Variants in PRKD3 observed in about 807,000 individuals in gnomAD.
PRKD3 encodes the protein protein kinase D3, also known as serine/threonine-protein kinase D3.
A neutral mutation model predicts 99.2 loss-of-function variants in PRKD3; 47 were observed. The observed-to-expected ratio is 0.47, with a 90% CI of 0.38 to 0.60. The LOEUF (loss-of-function observed/expected upper bound fraction) is 0.60. Among genes scored for constraint, PRKD3 ranks in the 20% least tolerant of loss-of-function variants. The pLI, the probability that PRKD3 is intolerant of heterozygous loss-of-function variation, is 0.00. For missense variants in PRKD3, 1,019 were observed against 1,088.4 expected (o/e 0.94, Z 0.90); for synonymous variants, 392 against 355.4 (o/e 1.10, Z -1.16).
chr2:37,262,525 CAT>C (rs1301333475), intron 14 of PRKD3, among the ~76,000 whole-genome samples: 2 of 152,112 alleles, frequency 1.3e-5, no homozygotes, highest in Non-Finnish European at 2.9e-5. Context: ...AAAATGACAA[CAT>C]TTTATAGTAG....
intron 11 of PRKD3, among the ~76,000 whole-genome samples, chr2:37,273,619 G>A (rs997428928): frequency 5.9e-5 from 9 of 152,120 alleles, no homozygotes; most frequent in African/African-American, 2.2e-4. Context: ...GAGCTTTTAT[G>A]ATTTCTGTAT....
At chr2:37,282,719 G>A in intron 6 of PRKD3, 100 bp from the exon 7 acceptor site, 2 of 810,312 alleles carry the variant, frequency 2.5e-6, no homozygotes, top group South Asian at 1.5e-5. Context: ...AATATTATTA[G>A]TAATGATGAT....
At position 37,267,488 on chromosome 2, in the gene PRKD3, T is replaced by A. The variant is rs1176717878; in HGVS notation, c.1826A>T (p.Lys609Met). 6.2e-7 allele frequency: 1 copy of A among 1,611,762 alleles called. No homozygotes were observed. The highest frequency in any genetic ancestry group is 1.7e-5 in the Admixed American group (1 of 59,984). Residue 609 changes from lysine (K) to methionine (M), a missense_variant, in exon 14 of 19, where the codon AAG becomes ATG. Coordinates refer to ENST00000234179, the MANE Select transcript of PRKD3 (RefSeq NM_005813.6). ...TTCTTGTTTTGTGGGGAATCTCATC[T>A]TATCAATTACTTTAATAGCCACATC... Reference protein sequence around the residue: ...GRDVAIKVIDKMRFPTKQESQ... With the variant: ...GRDVAIKVIDMMRFPTKQESQ...
At chr2:37,322,696 T>A (rs1671937169) in intron 1 of PRKD3, among the ~76,000 whole-genome samples, 1 of 152,168 alleles carries the variant, frequency 6.6e-6, no homozygotes, top group Non-Finnish European at 1.5e-5. Context: ...TTTTCCTACA[T>A]TAAAATGAAA....
chr2:37,304,807 T>A (rs1033053206), intron 2 of PRKD3, among the ~76,000 whole-genome samples: 2 of 151,946 alleles, frequency 1.3e-5, no homozygotes, highest in African/African-American at 4.8e-5. Context: ...ATTTAACACC[T>A]GCCTTTCTGA....
chr2:37,316,390 G>A lies in PRKD3; in HGVS notation c.135C>T (p.Phe45=). ...GLSARLSNGS[F]SAPSLTNSRG... is the part of the protein sequence containing the mutation. Reference sequence around the variant, plus strand: ...TGGAGTTGGTGAGTGATGGTGCACTGAAGCTTCCATTAGAGAGTCGGGCAG... The same window carrying A: ...TGGAGTTGGTGAGTGATGGTGCACTAAAGCTTCCATTAGAGAGTCGGGCAG... The change falls in exon 2 of 19, where the codon TTC becomes TTT. Residue 45 remains phenylalanine, a synonymous_variant. Transcript: ENST00000234179. 2 of 1,614,226 alleles carry A rather than the reference G, an allele frequency of 1.2e-6. No homozygotes were observed. Among genetic ancestry groups the A allele is most frequent in the Non-Finnish European group, 1.7e-6 (2 of 1,180,038 alleles).
At chr2:37,257,652 T>G (rs1668068983) in intron 16 of PRKD3, among the ~76,000 whole-genome samples, 1 of 110,316 alleles carries the variant, frequency 9.1e-6, no homozygotes, top group Non-Finnish European at 1.7e-5. Context: ...GGCGACAGAG[T>G]GAAGACTCTG....
At chr2:37,322,202 T>C (rs1671915196) in intron 1 of PRKD3, among the ~76,000 whole-genome samples, 1 of 152,228 alleles carries the variant, frequency 6.6e-6, no homozygotes, top group Non-Finnish European at 1.5e-5. Context: ...TGTTTTGACA[T>C]AGGTTTGACT....
chr2:37,322,578 T>C (rs1278842202), intron 1 of PRKD3, among the ~76,000 whole-genome samples: 1 of 152,264 alleles, frequency 6.6e-6, no homozygotes, highest in Admixed American at 6.5e-5. Context: ...GCTTGACAGA[T>C]GTTAGTCTCT....
intron 2 of PRKD3, among the ~76,000 whole-genome samples, chr2:37,300,454 T>A (rs1558569189): frequency 6.6e-6 from 1 of 152,170 alleles, no homozygotes; most frequent in Non-Finnish European, 1.5e-5. Flanking sequence ...AGATCCAGTG[T>A]TTGGTAGCAT....
At chr2:37,286,122 T>C (rs1437310737) in intron 6 of PRKD3, 55 bp downstream of exon 6, 6 of 1,379,706 alleles carry the variant, frequency 4.3e-6, no homozygotes, top group South Asian at 1.4e-5. Flanking sequence ...TTTAAGCCTA[T>C]ATATAATAAC....
At chr2:37,280,297 G>A (rs1021300965) in intron 7 of PRKD3, among the ~76,000 whole-genome samples, 2 of 151,926 alleles carry the variant, frequency 1.3e-5, no homozygotes, top group South Asian at 2.1e-4. Flanking sequence ...CACCCACTTC[G>A]GCCTCCCAAA....
intron 2 of PRKD3, among the ~76,000 whole-genome samples, chr2:37,309,348 T>C (rs1314749123): frequency 6.6e-6 from 1 of 152,202 alleles, no homozygotes; most frequent in Non-Finnish European, 1.5e-5. Flanking sequence ...TAGAGTTGAT[T>C]CTATAGGCTC....
In PRKD3 at chr2:37,299,771, T is replaced by C. The variant is rs529398836; in HGVS notation, c.289-6500A>G. On this transcript the variant is annotated intron_variant, in intron 2 of 18. Coordinates refer to ENST00000234179, the MANE Select transcript of PRKD3 (RefSeq NM_005813.6). Reference sequence around the variant, plus strand: ...CAAAAGAAGACATACAAATGCCCGATTGGTATATGAAAAGATACTCAACAT... The same window carrying C: ...CAAAAGAAGACATACAAATGCCCGACTGGTATATGAAAAGATACTCAACAT... Among the ~76,000 whole-genome samples, 32 of 152,100 alleles carry C rather than the reference T, an allele frequency of 2.1e-4. No homozygotes were observed. The South Asian group carries it at 4.2e-3, about 20-fold the overall frequency.
chr2:37,320,374 A>T (rs1558586771), intron 1 of PRKD3, among the ~76,000 whole-genome samples: 3 of 152,044 alleles, frequency 2.0e-5, no homozygotes, highest in Admixed American at 2.0e-4. Context: ...TGAACTACCA[A>T]AATAAAGTAG....
In PRKD3 at chr2:37,269,600, G is replaced by C; in HGVS notation, c.1777+15C>G. ...AAATAATGTGTACAATATGCAAACG[G>C]CTGTAGTTGCTTACCTCCATAAACG... On this transcript the variant is annotated intron_variant, in intron 13 of 18. Transcript: ENST00000234179. The C allele has an allele frequency of 6.3e-7, 1 of 1,595,176 alleles. No individual in the cohort carries two copies. Among genetic ancestry groups the C allele is most frequent in the Non-Finnish European group, 8.6e-7 (1 of 1,162,916 alleles).
At chr2:37,300,954 T>C (rs1670898126) in intron 2 of PRKD3, among the ~76,000 whole-genome samples, 2 of 152,352 alleles carry the variant, frequency 1.3e-5, no homozygotes, top group South Asian at 4.1e-4. Context: ...CACGTTTTTA[T>C]AGTGTATTAT....
rs775758020 is a variant in PRKD3, at chr2:37,256,902, G to A, written c.2173C>T (p.Arg725Cys). ...QVKLCDFGFA[R>C]IIGEKSFRRS... ...CTGAATGACTTTTCACCAATGATGCGTGCAAATCCAAAGTCACACAGCTTC... is the reference window on the plus strand; with the variant it reads ...CTGAATGACTTTTCACCAATGATGCATGCAAATCCAAAGTCACACAGCTTC... Residue 725 changes from arginine (R) to cysteine (C), a missense_variant, in exon 17 of 19, where the codon CGC (arginine) becomes TGC (cysteine). By Grantham distance (180) the Arg-to-Cys change is radical (BLOSUM62 -3). Coordinates refer to ENST00000234179, the MANE Select transcript of PRKD3 (RefSeq NM_005813.6). 14 of 1,613,782 alleles carry A rather than the reference G, an allele frequency of 8.7e-6. No individual in the cohort carries two copies. The highest frequency in any genetic ancestry group is 1.2e-5 in the Non-Finnish European group (14 of 1,179,968).
chr2:37,293,751 G>C (rs1159693248), intron 2 of PRKD3, among the ~76,000 whole-genome samples: 1 of 152,142 alleles, frequency 6.6e-6, no homozygotes. Context: ...TGCATCAAAT[G>C]GTCTAATATG....
Sources: gnomAD v4.1 joint callset for allele counts (sites outside exome capture counted in the v4.1 genomes callset) on GRCh38, gnomAD v4.1.1 for gene constraint, MANE v1.5 for transcripts, NCBI Gene and HGNC (gene_info 2026-07-23, HGNC 2026-07-21) for gene names.